The following CTNNA3 variants were observed in gnomAD, a reference collection of about 807,000 sequenced individuals.
CTNNA3 encodes catenin alpha 3.
In CTNNA3, 76 loss-of-function variants were observed where a neutral mutation model predicts 95.7. The observed-to-expected ratio is 0.79, with a 90% CI of 0.66 to 0.96. The LOEUF (loss-of-function observed/expected upper bound fraction) is 0.96, where lower values mean the gene tolerates loss of function less well. Among genes scored for constraint, CTNNA3 ranks in the 40% least tolerant of loss-of-function variants. The pLI, the probability that CTNNA3 is intolerant of heterozygous loss-of-function variation, is 0.00. For synonymous variants in CTNNA3, 431 were observed against 374.4 expected (o/e 1.15, Z -1.74); for missense variants, 1,191 against 1,089.8 (o/e 1.09, Z -1.31).
intron 7 of CTNNA3, among the ~76,000 whole-genome samples, chr10:66,939,681 C>T (rs1022466486): frequency 1.3e-5 from 2 of 152,170 alleles, no homozygotes; most frequent in Non-Finnish European, 2.9e-5. Flanking sequence ...AAGTATCTGT[C>T]AGCCTCTGGA....
intron 5 of CTNNA3, among the ~76,000 whole-genome samples, chr10:67,273,540 A>C (rs190223332): frequency 9.7e-4 from 148 of 152,148 alleles, no homozygotes; most frequent in African/African-American, 3.4e-3. Context: ...TAAAACTGAA[A>C]ATATGTCTAT....
At chr10:67,684,243 T>C (rs1840685605) in intron 1 of CTNNA3, among the ~76,000 whole-genome samples, 1 of 152,106 alleles carries the variant, frequency 6.6e-6, no homozygotes, top group Admixed American at 6.5e-5. Context: ...GACTGGTGCG[T>C]TTTTACAGAC....
chr10:66,020,449 C>T (rs1312848532), intron 15 of CTNNA3, among the ~76,000 whole-genome samples: 3 of 152,166 alleles, frequency 2.0e-5, no homozygotes, highest in Non-Finnish European at 4.4e-5. Flanking sequence ...GCAAGGCTGA[C>T]ATGTTTAGGG....
intron 7 of CTNNA3, among the ~76,000 whole-genome samples, chr10:67,056,454 A>C (rs1855436906): frequency 6.6e-6 from 1 of 152,100 alleles, no homozygotes; most frequent in African/African-American, 2.4e-5. Flanking sequence ...ATTTTTCTTC[A>C]TGAGGGTCTC....
chr10:66,283,825 A>G (rs960043363), intron 12 of CTNNA3, among the ~76,000 whole-genome samples: 1 of 151,764 alleles, frequency 6.6e-6, no homozygotes, highest in African/African-American at 2.4e-5. Flanking sequence ...CTAGGAGTAA[A>G]TTTTTTTAAT....
chr10:66,454,221 C>A (rs1012621133), intron 11 of CTNNA3, among the ~76,000 whole-genome samples: 1 of 152,152 alleles, frequency 6.6e-6, no homozygotes, highest in Non-Finnish European at 1.5e-5. Context: ...AACTAGACTT[C>A]TAGACTGCAG....
chr10:67,067,337 A>G (rs563442630), intron 7 of CTNNA3, among the ~76,000 whole-genome samples: 93 of 152,184 alleles, frequency 6.1e-4, no homozygotes, highest in Non-Finnish European at 1.2e-3. Flanking sequence ...TGAGCAATAA[A>G]CCATATACTA....
At chr10:66,155,477 TA>T (rs1232031521) in intron 13 of CTNNA3, among the ~76,000 whole-genome samples, 3 of 151,786 alleles carry the variant, frequency 2.0e-5, no homozygotes, top group South Asian at 4.2e-4. Context: ...AATCAGGAAA[TA>T]ATAAAAGAAA....
At chr10:67,522,762 C>A (rs1202181134) in intron 4 of CTNNA3, among the ~76,000 whole-genome samples, 1 of 151,876 alleles carries the variant, frequency 6.6e-6, no homozygotes, top group Non-Finnish European at 1.5e-5. Context: ...AGGAAGCTCA[C>A]AAGAAATTGG....
At position 66,775,437 on chromosome 10, in the gene CTNNA3, C is replaced by G; in HGVS notation, c.1128+7G>C. On this transcript the variant is annotated splice_region_variant and intron_variant, in intron 8 of 17. Transcript: ENST00000433211. Reference sequence around the variant, plus strand: ...GTTTCTGACTCCATATCTCTCTCTTCCCTCACCTGTCTGCGAAGGTCTCTT... The same window carrying G: ...GTTTCTGACTCCATATCTCTCTCTTGCCTCACCTGTCTGCGAAGGTCTCTT... 1 of 1,596,226 alleles carries G rather than the reference C, an allele frequency of 6.3e-7. No individual in the cohort carries two copies. The highest frequency in any genetic ancestry group is 8.6e-7 in the Non-Finnish European group (1 of 1,166,020).
intron 9 of CTNNA3, among the ~76,000 whole-genome samples, chr10:66,743,906 T>A (rs1469741211): frequency 7.5e-6 from 1 of 132,714 alleles, no homozygotes; most frequent in South Asian, 2.3e-4. Context: ...AACCAGGGAA[T>A]CAGAGGTTGC....
chr10:67,262,852 C>T (rs1268546751), intron 5 of CTNNA3, among the ~76,000 whole-genome samples: 2 of 152,040 alleles, frequency 1.3e-5, no homozygotes, highest in Admixed American at 1.3e-4. Context: ...TGAAAAATAG[C>T]ACCGCTAATC....
At chr10:66,516,948 C>T (rs1438940644) in intron 11 of CTNNA3, among the ~76,000 whole-genome samples, 2 of 152,106 alleles carry the variant, frequency 1.3e-5, no homozygotes, top group Non-Finnish European at 2.9e-5. Context: ...CTGGGCCGGG[C>T]AAGGTGGCTC....
intron 7 of CTNNA3, among the ~76,000 whole-genome samples, chr10:66,829,672 C>CT (rs1412026766): frequency 1.5e-5 from 2 of 134,200 alleles, no homozygotes; most frequent in Admixed American, 1.6e-4. Context: ...CCTCTAAACA[C>CT]TTTTTCAATT....
At chr10:67,506,367 G>A (rs1839429681) in intron 5 of CTNNA3, among the ~76,000 whole-genome samples, 1 of 152,138 alleles carries the variant, frequency 6.6e-6, no homozygotes, top group African/African-American at 2.4e-5. Flanking sequence ...TATAAAAGAT[G>A]ATTAGCTTCT....
At chr10:66,418,484 A>G (rs2093164287) in intron 11 of CTNNA3, among the ~76,000 whole-genome samples, 2 of 151,346 alleles carry the variant, frequency 1.3e-5, no homozygotes, top group African/African-American at 2.4e-5. Context: ...ACTCCAAAAA[A>G]TTGTAGGGGA....
chr10:67,716,367 G>A (rs148817149), intron 1 of CTNNA3, among the ~76,000 whole-genome samples: 10,948 of 152,024 alleles, frequency 0.072, 786 homozygotes, highest in African/African-American at 0.19. Flanking sequence ...TACATGTGCA[G>A]AACATGCAGG....
intron 7 of CTNNA3, among the ~76,000 whole-genome samples, chr10:67,018,293 T>A (rs1369427910): frequency 2.0e-5 from 3 of 152,152 alleles, no homozygotes; most frequent in Non-Finnish European, 4.4e-5. Flanking sequence ...TATGAGGTAG[T>A]TTACTCTTCG....
chr10:67,729,902 A>G (rs1408444740), intron 1 of CTNNA3, among the ~76,000 whole-genome samples: 1 of 152,204 alleles, frequency 6.6e-6, no homozygotes, highest in East Asian at 1.9e-4. Context: ...AAAATAAAAA[A>G]TAATGGCAAG....
Sources: gnomAD v4.1 joint callset for allele counts (sites outside exome capture counted in the v4.1 genomes callset) on GRCh38, gnomAD v4.1.1 for gene constraint, MANE v1.5 for transcripts, NCBI Gene and HGNC (gene_info 2026-07-23, HGNC 2026-07-21) for gene names.